The following PILRA variants were observed in gnomAD, a reference collection of about 807,000 sequenced individuals.
PILRA encodes paired immunoglobulin-like type 2 receptor alpha.
A neutral mutation model predicts 33.1 loss-of-function variants in PILRA; 37 were observed. That is an observed-to-expected ratio of 1.12 (90% CI 0.86 to 1.47). The LOEUF is 1.47. Among genes scored for constraint, PILRA ranks in the 40% most tolerant of loss-of-function variants. The pLI is 0.00. For missense variants in PILRA, 312 were observed against 376.2 expected (o/e 0.83, Z 1.41); for synonymous variants, 146 against 149.9 (o/e 0.97, Z 0.19).
intron 2 of PILRA, among the ~76,000 whole-genome samples, chr7:100,383,597 G>A (rs1328726704): frequency 3.3e-5 from 5 of 151,706 alleles, no homozygotes; most frequent in African/African-American, 7.3e-5. Context: ...GCGAAGGAGC[G>A]TTTCCTGCAG....
chr7:100,386,601 T>A (rs1344269954), intron 2 of PILRA, among the ~76,000 whole-genome samples: 1 of 152,026 alleles, frequency 6.6e-6, no homozygotes. Context: ...CACTGCAGCC[T>A]CAACCTCCTG....
intron 3 of PILRA, among the ~76,000 whole-genome samples, 184 bp downstream of exon 3, chr7:100,390,290 A>G (rs1791361712): frequency 6.6e-6 from 1 of 152,058 alleles, no homozygotes. Context: ...GGGGCGGGGC[A>G]GGGTCACATG....
At chr7:100,373,228 T>A (rs773723747), upstream of PILRA, among the ~76,000 whole-genome samples, 11 of 151,872 alleles carry the variant, frequency 7.2e-5, no homozygotes, top group Admixed American at 3.9e-4. Flanking sequence ...CTGCCTTTCC[T>A]CTCCCTGAAA....
chr7:100,388,085 T>C (rs1791292766), intron 2 of PILRA, among the ~76,000 whole-genome samples: 1 of 152,244 alleles, frequency 6.6e-6, no homozygotes, highest in Non-Finnish European at 1.5e-5. Context: ...AGGGTTCTTT[T>C]TTAAAATATG....
At chr7:100,386,649 T>G (rs746738374) in intron 2 of PILRA, among the ~76,000 whole-genome samples, 1 of 151,990 alleles carries the variant, frequency 6.6e-6, no homozygotes, top group Non-Finnish European at 1.5e-5. Context: ...CCTGAGTAGC[T>G]GGGACTATAG....
intron 2 of PILRA, among the ~76,000 whole-genome samples, chr7:100,386,830 TAA>T (rs74792669): frequency 7.8e-5 from 11 of 140,698 alleles, no homozygotes; most frequent in African/African-American, 1.8e-4. Context: ...TGCCCAGCTT[TAA>T]AAAAAAAAAA....
At chr7:100,380,687 C>T (rs1429383704) in intron 2 of PILRA, among the ~76,000 whole-genome samples, 1 of 152,110 alleles carries the variant, frequency 6.6e-6, no homozygotes, top group Non-Finnish European at 1.5e-5. Context: ...TGGGTGTGGC[C>T]TGTCGTGATA....
chr7:100,374,331 C>T lies in PILRA; in HGVS notation c.352C>T (p.Gln118Ter). 2 of 1,614,106 alleles carry T rather than the reference C, an allele frequency of 1.2e-6. No individual in the cohort carries two copies. Among genetic ancestry groups the T allele is most frequent in the Non-Finnish European group, 1.7e-6 (2 of 1,180,008 alleles). ...CCTCAGGATCTCCAACCTGCAGAAG[C>T]AGGACCAGTCTGTGTATTTCTGCCG... The part of the protein sequence containing the change: ...GFLRISNLQK[Q>*]DQSVYFCRVE... The change falls in exon 2 of 7, where the codon CAG becomes TAG. Residue 118 changes from glutamine (Q) to a stop codon, truncating the protein, a stop_gained. Coordinates refer to ENST00000198536, the MANE Select transcript of PILRA (RefSeq NM_013439.3). LOFTEE classifies it high-confidence loss of function.
rs969984660 is a variant in PILRA, at chr7:100,399,970, C to G, written c.*63C>G. The G allele has an allele frequency of 6.8e-7, 1 of 1,465,822 alleles. No homozygotes were observed. The highest frequency in any genetic ancestry group is 9.1e-7 in the Non-Finnish European group (1 of 1,101,004). 90.8% of individuals were successfully genotyped at this position (1,465,822 alleles called of 1,614,324 possible). ...AGGTACAGTGGCGCACACCTGTAAT[C>G]CCAGCTACTCTGAAGCCTGAGGCAG... On this transcript the variant is annotated 3_prime_UTR_variant, in exon 7 of 7. Coordinates refer to ENST00000198536, the MANE Select transcript of PILRA (RefSeq NM_013439.3).
intron 2 of PILRA, 118 bp downstream of exon 2, chr7:100,374,551 C>G (rs887014654): frequency 8.2e-7 from 1 of 1,214,468 alleles, no homozygotes; most frequent in Non-Finnish European, 1.2e-6. Context: ...TAAGTTCTCT[C>G]TTTGGCCCCT....
chr7:100,381,734 GGCGCGGGCGGGAACCGGGGCTGC>G (rs923403074), intron 2 of PILRA, among the ~76,000 whole-genome samples: 1 of 152,210 alleles, frequency 6.6e-6, no homozygotes, highest in Non-Finnish European at 1.5e-5. Context: ...TGGAGGGAGA[GGCGCGGGCGGGAACCGGGGCTGC>G]GCGCGGCGCT....
intron 2 of PILRA, chr7:100,376,149 C>A (rs1247695893): frequency 6.6e-6 from 1 of 152,216 alleles, no homozygotes; most frequent in Non-Finnish European, 1.5e-5. Flanking sequence ...ACTCTCGCTG[C>A]CTGCGCCCTG....
intron 2 of PILRA, among the ~76,000 whole-genome samples, chr7:100,383,584 G>A (rs866064321): frequency 9.2e-5 from 14 of 152,220 alleles, no homozygotes; most frequent in South Asian, 4.1e-4. Flanking sequence ...GAGTGCCATG[G>A]GAGCGAAGGA....
chr7:100,395,539 T>G (rs1458122574), intron 3 of PILRA, among the ~76,000 whole-genome samples: 1 of 152,186 alleles, frequency 6.6e-6, no homozygotes, highest in Non-Finnish European at 1.5e-5. Flanking sequence ...TGTTTTTTTA[T>G]AAATTATACA....
At chr7:100,377,835 T>C (rs1790989890) in intron 2 of PILRA, among the ~76,000 whole-genome samples, 1 of 152,248 alleles carries the variant, frequency 6.6e-6, no homozygotes, top group Non-Finnish European at 1.5e-5. Context: ...TATAATCAGT[T>C]GTCCCAACCC....
intron 2 of PILRA, among the ~76,000 whole-genome samples, chr7:100,379,544 T>C (rs1045963596): frequency 6.6e-6 from 1 of 151,864 alleles, no homozygotes; most frequent in Non-Finnish European, 1.5e-5. Flanking sequence ...AGCACGCGCC[T>C]GTAGTCCCAG....
intron 4 of PILRA, 72 bp from the exon 5 acceptor site, chr7:100,399,219 G>A (rs908432429): frequency 9.3e-7 from 1 of 1,077,118 alleles, no homozygotes. Flanking sequence ...GGGATTACAG[G>A]TGCCACCACC....
At chr7:100,375,820 G>A (rs1272100518) in intron 2 of PILRA, among the ~76,000 whole-genome samples, 1 of 152,246 alleles carries the variant, frequency 6.6e-6, no homozygotes, top group African/African-American at 2.4e-5. Flanking sequence ...ACAGGGCTTC[G>A]CCTATTGAGT....
intron 5 of PILRA, 22 bp downstream of exon 5, chr7:100,399,362 TC>T (rs774773312): frequency 6.2e-7 from 1 of 1,600,818 alleles, no homozygotes; most frequent in Non-Finnish European, 8.6e-7. Flanking sequence ...CCACCATCCT[TC>T]CCCAGTTTCT....
Sources: allele counts gnomAD v4.1 joint callset (sites outside exome capture counted in the v4.1 genomes callset), GRCh38; gene constraint gnomAD v4.1.1; transcripts MANE v1.5; gene names NCBI Gene and HGNC (gene_info 2026-07-23, HGNC 2026-07-21).